KLF13: variants seen among roughly 807,000 people sequenced by gnomAD.
KLF13 encodes Krueppel-like factor 13.
KLF13 carries 8 observed loss-of-function variants against 16.7 expected under a neutral mutation model. The ratio of observed to expected loss-of-function variants is 0.48; its 90% CI spans 0.28 to 0.87. The LOEUF (loss-of-function observed/expected upper bound fraction) is 0.87. KLF13 is among the 40% of genes least tolerant of loss of function. The probability of loss-of-function intolerance (pLI) is 0.10; values close to 1 mark genes in which losing one functional copy is unlikely to be tolerated. For missense variants in KLF13, 447 were observed against 452.2 expected (o/e 0.99, Z 0.10); for synonymous variants, 245 against 208.4 (o/e 1.18, Z -1.51).
rs2038743286 is a variant in KLF13, at chr15:31,327,762, C to T, written c.550C>T (p.Leu184Phe). Residue 184 changes from leucine (L) to phenylalanine (F), a missense_variant, in exon 1 of 2, where the codon CTC (leucine) becomes TTC (phenylalanine). By Grantham distance (22) the Leu-to-Phe change is conservative (BLOSUM62 0). Coordinates refer to ENST00000307145, the MANE Select transcript of KLF13 (RefSeq NM_015995.4). ...GAAAGTTTACGGGAAATCTTCGCAC[C>T]TCAAGGCGCACCTGAGAACTCACAC... ...CEKVYGKSSH[L>F]KAHLRTHTGE... The T allele has an allele frequency of 3.3e-6, 5 of 1,531,396 alleles. No individual in the cohort carries two copies. The highest frequency in any genetic ancestry group is 4.4e-6 in the Non-Finnish European group (5 of 1,134,690). The allele number at this position is 1,531,396 out of a possible 1,614,324, so 94.9% of individuals were successfully genotyped here. A position where few individuals can be genotyped will look rare whatever the true frequency, so the allele number is the denominator to read the frequency against.
At chr15:31,356,545 C>A in intron 1 of KLF13, among the ~76,000 whole-genome samples, 1 of 152,222 alleles carries the variant, frequency 6.6e-6, no homozygotes, top group East Asian at 1.9e-4. Context: ...GAGCGAGACT[C>A]CGTCTCAAAA....
At chr15:31,381,329 G>A (rs950911980), downstream of KLF13, among the ~76,000 whole-genome samples, 1 of 152,150 alleles carries the variant, frequency 6.6e-6, no homozygotes, top group Non-Finnish European at 1.5e-5. Flanking sequence ...TGTCATCAGG[G>A]CTGCTTCCTT....
intron 1 of KLF13, among the ~76,000 whole-genome samples, chr15:31,337,602 C>A (rs2038952536): frequency 6.6e-6 from 1 of 152,224 alleles, no homozygotes; most frequent in African/African-American, 2.4e-5. Flanking sequence ...CTACTGCACA[C>A]CTAGGCTGTA....
chr15:31,427,744 G>A (rs779870779), intron 1 of KLF13, among the ~76,000 whole-genome samples: 3 of 152,310 alleles, frequency 2.0e-5, no homozygotes, highest in Admixed American at 1.3e-4. Flanking sequence ...CTGCTTCCAA[G>A]GGGGCCTCAA....
intron 1 of KLF13, among the ~76,000 whole-genome samples, chr15:31,356,026 T>C (rs984277788): frequency 3.3e-5 from 5 of 152,078 alleles, no homozygotes; most frequent in Non-Finnish European, 4.4e-5. Flanking sequence ...AGGCCATTTT[T>C]CCTTTCCTTC....
intron 1 of KLF13, among the ~76,000 whole-genome samples, chr15:31,336,927 G>A (rs1358102387): frequency 2.0e-5 from 3 of 152,308 alleles, no homozygotes; most frequent in Non-Finnish European, 4.4e-5. Context: ...GGACCAGGGC[G>A]GATAAATGGG....
At chr15:31,336,538 A>G (rs1474122601) in intron 1 of KLF13, among the ~76,000 whole-genome samples, 1 of 152,186 alleles carries the variant, frequency 6.6e-6, no homozygotes, top group Non-Finnish European at 1.5e-5. Flanking sequence ...GAGCCTTTCT[A>G]CTTGTCTTTA....
chr15:31,390,310 T>C (rs2039845447), upstream of KLF13, among the ~76,000 whole-genome samples: 1 of 152,224 alleles, frequency 6.6e-6, no homozygotes, highest in Admixed American at 6.5e-5. Context: ...CTCAAGTAAC[T>C]ATCCAAGAAA....
intron 1 of KLF13, among the ~76,000 whole-genome samples, chr15:31,340,742 A>C (rs1252916062): frequency 3.3e-5 from 5 of 152,124 alleles, no homozygotes; most frequent in African/African-American, 4.8e-5. Context: ...GGTGGTGCAC[A>C]CACCTGTACC....
intron 1 of KLF13, among the ~76,000 whole-genome samples, chr15:31,425,687 G>A (rs1477675560): frequency 2.0e-5 from 3 of 152,096 alleles, no homozygotes; most frequent in African/African-American, 7.2e-5. Context: ...GAGCAGCCTG[G>A]CCAACATGGT....
chr15:31,388,762 T>TA (rs1229584849), upstream of KLF13, among the ~76,000 whole-genome samples: 772 of 15,554 alleles, frequency 0.05, 49 homozygotes, highest in Middle Eastern at 0.12. Context: ...GGTTAAAAAA[T>TA]CCCAAAAAAA....
intron 1 of KLF13, among the ~76,000 whole-genome samples, chr15:31,431,253 C>G (rs1017973249): frequency 6.6e-6 from 1 of 152,056 alleles, no homozygotes; most frequent in African/African-American, 2.4e-5. Flanking sequence ...AGACTTACAG[C>G]CTCCAGAACT....
intron 2 of KLF13, among the ~76,000 whole-genome samples, chr15:31,399,357 G>C (rs2040001381): frequency 6.6e-6 from 1 of 152,176 alleles, no homozygotes; most frequent in African/African-American, 2.4e-5. Flanking sequence ...TAGAGACGGG[G>C]TTTCATCATG....
chr15:31,429,025 C>A (rs186576189), intron 1 of KLF13, among the ~76,000 whole-genome samples: 16 of 152,060 alleles, frequency 1.1e-4, no homozygotes, highest in African/African-American at 3.9e-4. Context: ...AATGAAAATG[C>A]AAGGCTCCTT....
intron 2 of KLF13, among the ~76,000 whole-genome samples, chr15:31,395,226 C>T (rs571421268): frequency 6.6e-6 from 1 of 152,296 alleles, no homozygotes; most frequent in African/African-American, 2.4e-5. Flanking sequence ...GTGATTTGCC[C>T]ACTTCTGCCT....
intron 1 of KLF13, among the ~76,000 whole-genome samples, chr15:31,429,648 G>A (rs1035193413): frequency 6.6e-6 from 1 of 152,062 alleles, no homozygotes; most frequent in Non-Finnish European, 1.5e-5. Context: ...ATCTGTAGAA[G>A]AAAATACAGG....
At chr15:31,356,326 A>G (rs2039299952) in intron 1 of KLF13, among the ~76,000 whole-genome samples, 1 of 152,144 alleles carries the variant, frequency 6.6e-6, no homozygotes, top group Non-Finnish European at 1.5e-5. Context: ...GGCCAAGGTG[A>G]ATGGATCACC....
At chr15:31,350,982 G>A (rs548968758) in intron 1 of KLF13, among the ~76,000 whole-genome samples, 2 of 152,334 alleles carry the variant, frequency 1.3e-5, no homozygotes, top group East Asian at 3.9e-4. Context: ...TGTGTGGATG[G>A]ACATCCGAGT....
chr15:31,428,524 C>T (rs574789533), intron 1 of KLF13, among the ~76,000 whole-genome samples: 13 of 151,900 alleles, frequency 8.6e-5, no homozygotes, highest in African/African-American at 1.2e-4. Flanking sequence ...TGCCAAGGAC[C>T]GGCCGCGGGC....
Sources: gnomAD v4.1 joint callset for allele counts (sites outside exome capture counted in the v4.1 genomes callset) on GRCh38, gnomAD v4.1.1 for gene constraint, MANE v1.5 for transcripts, NCBI Gene and HGNC (gene_info 2026-07-23, HGNC 2026-07-21) for gene names.